SNX29: variants seen among roughly 807,000 people sequenced by gnomAD.
SNX29 encodes the protein sorting nexin 29.
A neutral mutation model predicts 102.1 loss-of-function variants in SNX29; 78 were observed. That is an observed-to-expected ratio of 0.76 (90% CI 0.64 to 0.92). The LOEUF is 0.92. Among genes scored for constraint, SNX29 ranks in the 40% least tolerant of loss-of-function variants. The probability of loss-of-function intolerance (pLI) is 0.00; values close to 1 mark genes in which losing one functional copy is unlikely to be tolerated. For synonymous variants in SNX29, 580 were observed against 414.5 expected (o/e 1.40, Z -4.85); for missense variants, 1,280 against 1,061.7 (o/e 1.21, Z -2.86).
At chr16:12,199,728 C>T (rs772175299) in intron 14 of SNX29, 45 bp downstream of exon 14, 1 of 1,529,446 alleles carries the variant, frequency 6.5e-7, no homozygotes, top group Non-Finnish European at 9.0e-7. Flanking sequence ...CGGGCTTTTC[C>T]ATTAACACCT....
rs568097988 is a variant in SNX29 at position 12,568,559 on chromosome 16, G to C, written c.2372G>C (p.Arg791Pro). 2 of 1,609,154 alleles carry C rather than the reference G, an allele frequency of 1.2e-6. No individual in the cohort carries two copies. The highest frequency in any genetic ancestry group is 1.1e-5 in the South Asian group (1 of 91,074). Residue 791 changes from arginine to proline, a missense_variant, in exon 21 of 21, where the codon CGC becomes CCC. Physicochemically the swap from Arg to Pro is moderately radical, Grantham distance 103 (BLOSUM62 -2). Coordinates refer to ENST00000566228, the MANE Select transcript of SNX29 (RefSeq NM_032167.5). ...PVNSRPKAAS[R>P]FPKLSRGQPR... ...AACAGCCGGCCCAAAGCAGCTTCCC[G>C]CTTCCCCAAACTGTCCCGGGGTCAG...
chr16:12,101,239 G>A (rs534178373), intron 11 of SNX29, among the ~76,000 whole-genome samples: 1 of 151,562 alleles, frequency 6.6e-6, no homozygotes, highest in South Asian at 2.1e-4. Context: ...TCCTTTCTCA[G>A]GGCTCTGCAT....
At chr16:12,369,378 G>A (rs545802900) in intron 16 of SNX29, among the ~76,000 whole-genome samples, 1 of 151,576 alleles carries the variant, frequency 6.6e-6, no homozygotes, top group Non-Finnish European at 1.5e-5. Context: ...TCAAGTGATC[G>A]ACCCACCTTG....
At chr16:12,138,403 T>C (rs2054741988) in intron 13 of SNX29, among the ~76,000 whole-genome samples, 1 of 152,038 alleles carries the variant, frequency 6.6e-6, no homozygotes, top group Non-Finnish European at 1.5e-5. Flanking sequence ...AGATGGGGTT[T>C]CACCATGTTG....
At chr16:12,519,823 C>A (rs897661531) in intron 19 of SNX29, among the ~76,000 whole-genome samples, 4 of 152,070 alleles carry the variant, frequency 2.6e-5, no homozygotes, top group Non-Finnish European at 5.9e-5. Context: ...GCCTGGCCAA[C>A]ATGGCGAAAC....
At chr16:12,408,351 G>A (rs1216164466) in intron 18 of SNX29, among the ~76,000 whole-genome samples, 2 of 152,244 alleles carry the variant, frequency 1.3e-5, no homozygotes, top group African/African-American at 2.4e-5. Context: ...GTCCACTGTG[G>A]TGCACACATT....
At chr16:12,539,430 GTTTT>G (rs1261648276) in intron 20 of SNX29, among the ~76,000 whole-genome samples, 10 of 152,188 alleles carry the variant, frequency 6.6e-5, no homozygotes, top group Admixed American at 6.5e-4. Flanking sequence ...AGTCAGCAGT[GTTTT>G]TATTACTGAG....
intron 11 of SNX29, among the ~76,000 whole-genome samples, chr16:12,123,106 A>G (rs1006792751): frequency 7.2e-5 from 11 of 152,200 alleles, no homozygotes; most frequent in African/African-American, 2.7e-4. Flanking sequence ...GATTACAGGC[A>G]TGAGCCACCG....
chr16:12,010,906 A>T (rs558583652), intron 3 of SNX29, among the ~76,000 whole-genome samples: 10 of 152,172 alleles, frequency 6.6e-5, no homozygotes, highest in Admixed American at 2.0e-4. Flanking sequence ...ACGAAACGGA[A>T]TGGCTTTTTC....
In SNX29 at chr16:12,042,799, G is replaced by T. The variant is rs546846995; in HGVS notation, c.248-98G>T. 11 of 1,274,562 alleles carry T rather than the reference G, an allele frequency of 8.6e-6. No homozygotes were observed. The East Asian group carries it at 1.7e-4, about 19-fold the overall frequency. 79.0% of individuals were successfully genotyped at this position (1,274,562 alleles called of 1,614,324 possible). ...CTTTTCCATGCTAAGGGGATACTCT[G>T]TTACAATCTCCAACTTCGCCTAGAG... is the stretch of plus-strand genomic sequence containing the variant. On this transcript the variant is annotated intron_variant, in intron 4 of 20. Coordinates refer to ENST00000566228, the MANE Select transcript of SNX29 (RefSeq NM_032167.5).
At chr16:12,408,505 C>G (rs1464455951) in intron 18 of SNX29, among the ~76,000 whole-genome samples, 2 of 152,224 alleles carry the variant, frequency 1.3e-5, no homozygotes, top group Non-Finnish European at 2.9e-5. Flanking sequence ...GGTCCCAGAA[C>G]CTGCCTCGGG....
chr16:12,309,488 T>C (rs1383416296), intron 15 of SNX29, among the ~76,000 whole-genome samples: 2 of 152,208 alleles, frequency 1.3e-5, no homozygotes, highest in Non-Finnish European at 2.9e-5. Context: ...TCATTTTTCT[T>C]GGTAGCACCC....
At position 12,181,000 on chromosome 16, in the gene SNX29, T is replaced by G. The variant is rs1241421892; in HGVS notation, c.1596-18601T>G. ...CTGCTAAACTGTGATTCTGCTTCTG[T>G]AGCTTTTTCCCTCACTGCAGGGCCC... On this transcript the variant is annotated intron_variant, in intron 13 of 20. Transcript: ENST00000566228. Among the ~76,000 whole-genome samples the G allele has an allele frequency of 2.6e-5, 4 of 152,312 alleles. No homozygotes were observed. The East Asian group carries it at 7.7e-4, about 29-fold the overall frequency.
At chr16:12,033,219 A>G (rs1488569513) in intron 4 of SNX29, among the ~76,000 whole-genome samples, 1 of 152,034 alleles carries the variant, frequency 6.6e-6, no homozygotes, top group East Asian at 1.9e-4. Context: ...GGAGAACCAG[A>G]GAGTGATTAC....
At chr16:12,273,892 T>G (rs1286431009) in intron 14 of SNX29, among the ~76,000 whole-genome samples, 1 of 152,220 alleles carries the variant, frequency 6.6e-6, no homozygotes, top group Non-Finnish European at 1.5e-5. Flanking sequence ...TCACGGTCTA[T>G]CTGTGTTGCA....
chr16:12,524,234 C>G (rs1006866830), intron 19 of SNX29, among the ~76,000 whole-genome samples: 1 of 152,000 alleles, frequency 6.6e-6, no homozygotes, highest in African/African-American at 2.4e-5. Context: ...TTTTGTATTT[C>G]GAGAAACTCC....
chr16:12,453,179 A>G (rs535405881), intron 18 of SNX29, among the ~76,000 whole-genome samples: 2 of 152,360 alleles, frequency 1.3e-5, no homozygotes, highest in Admixed American at 1.3e-4. Flanking sequence ...GGAATGTTAC[A>G]TATATGGCTC....
chr16:12,021,564 A>G (rs899139942), intron 3 of SNX29, among the ~76,000 whole-genome samples: 1 of 152,146 alleles, frequency 6.6e-6, no homozygotes, highest in Non-Finnish European at 1.5e-5. Flanking sequence ...GAATCTTTTA[A>G]TAGATTCGTG....
At chr16:12,403,654 C>A in intron 18 of SNX29, 125 bp downstream of exon 18, 2 of 909,850 alleles carry the variant, frequency 2.2e-6, no homozygotes, top group Non-Finnish European at 3.4e-6. Context: ...CTTCCAGACA[C>A]CCACATCTTA....
Sources: allele counts gnomAD v4.1 joint callset (sites outside exome capture counted in the v4.1 genomes callset), GRCh38; gene constraint gnomAD v4.1.1; transcripts MANE v1.5; gene names NCBI Gene and HGNC (gene_info 2026-07-23, HGNC 2026-07-21).